The following DLG2 variants were observed in gnomAD, a reference collection of about 807,000 sequenced individuals.
DLG2 encodes disks large homolog 2.
Under a neutral mutation model 132.5 loss-of-function variants are expected in DLG2, and 45 were observed. The ratio of observed to expected loss-of-function variants is 0.34; its 90% CI spans 0.27 to 0.44. The LOEUF (loss-of-function observed/expected upper bound fraction) is 0.44. Ranked by LOEUF, DLG2 falls within the 20% of genes least tolerant of loss-of-function variation. DLG2 has a pLI of 1.00. For missense variants in DLG2, 1,045 were observed against 1,196.9 expected (o/e 0.87, Z 1.87); for synonymous variants, 424 against 419.6 (o/e 1.01, Z -0.13).
chr11:84,036,313 A>G (rs1048622396), intron 11 of DLG2, among the ~76,000 whole-genome samples: 4 of 152,302 alleles, frequency 2.6e-5, no homozygotes, highest in Admixed American at 6.5e-5. Flanking sequence ...GGAAAACCAA[A>G]CTAGCTTCTT....
chr11:84,232,559 G>A (rs2097107514), intron 8 of DLG2, among the ~76,000 whole-genome samples: 1 of 152,280 alleles, frequency 6.6e-6, no homozygotes, highest in Non-Finnish European at 1.5e-5. Flanking sequence ...ATTAGGTTAT[G>A]AGGTGGAGCC....
At chr11:84,034,986 G>T (rs530905912) in intron 11 of DLG2, among the ~76,000 whole-genome samples, 1 of 151,896 alleles carries the variant, frequency 6.6e-6, no homozygotes, top group Non-Finnish European at 1.5e-5. Context: ...AGGTGAACAC[G>T]GCTTAAGAGA....
chr11:84,725,305 A>T (rs1382726907), intron 6 of DLG2, among the ~76,000 whole-genome samples: 3 of 152,138 alleles, frequency 2.0e-5, no homozygotes, highest in Non-Finnish European at 4.4e-5. Flanking sequence ...TAAGGAAAGC[A>T]TAGTTTTTAG....
rs1565616050 is a variant in DLG2 at position 83,520,668 on chromosome 11, A to AGATAGATAGATAGATAGAT, written c.2193+12039_2193+12040insATCTATCTATCTATCTATC. On this transcript the variant is annotated intron_variant, in intron 21 of 27. Transcript: ENST00000376104. ...ATAGATAGATAGATAGATAGATAGA[A>AGATAGATAGATAGATAGAT]AGAAAGACAGACAGGTAAGTAGGTA... 1.3e-3 allele frequency among the ~76,000 whole-genome samples: 97 copies of AGATAGATAGATAGATAGAT among 76,230 alleles called. 1 individual carries two copies. The highest frequency in any genetic ancestry group is 3.6e-3 in the African/African-American group (87 of 24,232). The allele number at this position is 76,230 out of a possible 152,430, so 50.0% of individuals were successfully genotyped here.
At chr11:83,613,062 C>T (rs1188848796) in intron 19 of DLG2, among the ~76,000 whole-genome samples, 3 of 152,192 alleles carry the variant, frequency 2.0e-5, no homozygotes, top group African/African-American at 7.2e-5. Flanking sequence ...CTAATGTTTC[C>T]ATGCCAACCA....
chr11:84,600,200 G>GAAAGAA (rs1565419741), intron 6 of DLG2, among the ~76,000 whole-genome samples: 2 of 136,516 alleles, frequency 1.5e-5, no homozygotes, highest in Admixed American at 1.4e-4. Context: ...AAGAAAGAAA[G>GAAAGAA]AAAGAAAGAA....
intron 21 of DLG2, among the ~76,000 whole-genome samples, chr11:83,506,966 A>G (rs750807862): frequency 3.9e-5 from 6 of 152,122 alleles, no homozygotes; most frequent in Non-Finnish European, 7.4e-5. Flanking sequence ...AATCTTAGCA[A>G]TCTGAGGCTC....
intron 3 of DLG2, among the ~76,000 whole-genome samples, chr11:85,339,810 C>A (rs942796800): frequency 1.3e-5 from 2 of 152,092 alleles, no homozygotes; most frequent in African/African-American, 4.8e-5. Context: ...CAAACAACCG[C>A]ATCAAAAAGT....
At chr11:85,120,492 A>G (rs1315764971) in intron 5 of DLG2, among the ~76,000 whole-genome samples, 1 of 152,020 alleles carries the variant, frequency 6.6e-6, no homozygotes, top group Non-Finnish European at 1.5e-5. Context: ...GTATACTTTC[A>G]TTTATGGTTT....
chr11:83,634,120 G>T (rs1014236501), intron 18 of DLG2, among the ~76,000 whole-genome samples: 3 of 152,040 alleles, frequency 2.0e-5, no homozygotes, highest in African/African-American at 7.2e-5. Flanking sequence ...TTGTTAGGGG[G>T]TGGGGGTCTG....
intron 6 of DLG2, among the ~76,000 whole-genome samples, chr11:84,677,559 A>G (rs904088214): frequency 3.3e-5 from 5 of 152,068 alleles, no homozygotes; most frequent in Non-Finnish European, 7.4e-5. Context: ...GACACAGATC[A>G]TATTTTTACA....
At chr11:85,272,728 C>A (rs1049357454) in intron 4 of DLG2, among the ~76,000 whole-genome samples, 1 of 151,952 alleles carries the variant, frequency 6.6e-6, no homozygotes, top group Non-Finnish European at 1.5e-5. Context: ...CTACCAATGA[C>A]TCTTCACAGA....
At chr11:83,589,221 T>G (rs1420038382) in intron 19 of DLG2, among the ~76,000 whole-genome samples, 2 of 149,916 alleles carry the variant, frequency 1.3e-5, no homozygotes, top group Admixed American at 1.3e-4. Flanking sequence ...AAGGAAAAAA[T>G]GTTAAGGGCA....
At chr11:83,792,320 T>C (rs947225353) in intron 17 of DLG2, among the ~76,000 whole-genome samples, 7 of 152,192 alleles carry the variant, frequency 4.6e-5, no homozygotes, top group Non-Finnish European at 7.3e-5. Flanking sequence ...TCATTAAACA[T>C]ATAGGAACTA....
At chr11:84,440,143 A>T (rs1204676509) in intron 7 of DLG2, among the ~76,000 whole-genome samples, 1 of 152,106 alleles carries the variant, frequency 6.6e-6, no homozygotes, top group Non-Finnish European at 1.5e-5. Flanking sequence ...GGCTTTATAA[A>T]TTTTTTTATA....
chr11:83,766,105 T>C (rs2094131898), intron 18 of DLG2, among the ~76,000 whole-genome samples: 1 of 151,638 alleles, frequency 6.6e-6, no homozygotes, highest in Non-Finnish European at 1.5e-5. Context: ...CTTTTTTTTT[T>C]TTTTTTGAGA....
intron 3 of DLG2, among the ~76,000 whole-genome samples, chr11:85,594,898 T>A (rs1489200712): frequency 6.6e-6 from 1 of 151,780 alleles, no homozygotes; most frequent in Non-Finnish European, 1.5e-5. Context: ...AAAGCCCGTC[T>A]CTACCAAAAA....
chr11:84,686,641 T>G lies in DLG2; in HGVS notation c.358-151910A>C, dbSNP rs953433656. ...CAACTGGCCTTGAGGTTTTTTTTTT[T>G]TTTTTTTTTTTATGCTATACACCAT... On this transcript the variant is annotated intron_variant, in intron 6 of 27. Transcript: ENST00000376104. Among the ~76,000 whole-genome samples the G allele has an allele frequency of 5.4e-4, 77 of 142,242 alleles. 2 individuals carry two copies. Among genetic ancestry groups the G allele is most frequent in the African/African-American group, 1.8e-3 (73 of 40,134 alleles). The allele number at this position is 142,242 out of a possible 152,430, so 93.3% of individuals were successfully genotyped here.
At chr11:83,944,120 C>T (rs900218971) in intron 14 of DLG2, among the ~76,000 whole-genome samples, 4 of 151,844 alleles carry the variant, frequency 2.6e-5, no homozygotes, top group Non-Finnish European at 4.4e-5. Flanking sequence ...CTTGGAGATG[C>T]GTGTATGTAT....
Sources: allele counts gnomAD v4.1 joint callset (sites outside exome capture counted in the v4.1 genomes callset), GRCh38; gene constraint gnomAD v4.1.1; transcripts MANE v1.5; gene names NCBI Gene and HGNC (gene_info 2026-07-23, HGNC 2026-07-21).